CNTNAP4: variants seen among roughly 807,000 people sequenced by gnomAD.
The protein encoded by CNTNAP4 is contactin-associated protein-like 4.
A neutral mutation model predicts 148.4 loss-of-function variants in CNTNAP4; 98 were observed. The observed-to-expected ratio is 0.66, with a 90% CI of 0.56 to 0.78. The LOEUF (loss-of-function observed/expected upper bound fraction) is 0.78. Among genes scored for constraint, CNTNAP4 ranks in the 30% least tolerant of loss-of-function variants. The pLI, the probability that CNTNAP4 is intolerant of heterozygous loss-of-function variation, is 0.00. For missense variants in CNTNAP4, 1,935 were observed against 1,565.6 expected (o/e 1.24, Z -3.98); for synonymous variants, 730 against 565.1 (o/e 1.29, Z -4.14).
intron 3 of CNTNAP4, among the ~76,000 whole-genome samples, chr16:76,372,201 G>C (rs867811684): frequency 1.4e-5 from 2 of 147,242 alleles, no homozygotes; most frequent in Non-Finnish European, 3.0e-5. Context: ...ATGCAGTGGC[G>C]CAATCTCGGT....
rs542332604 is a variant in CNTNAP4 at position 76,411,927 on chromosome 16, T to G, written c.391-15525T>G. ...ATGTTACGTAGGCCAAACATATTAT[T>G]GTAACTTTCATGCCCTTACTGTTGA... is the stretch of plus-strand genomic sequence containing the variant. On this transcript the variant is annotated intron_variant, in intron 3 of 23. Transcript: ENST00000611870. Among the ~76,000 whole-genome samples, 4 of 151,502 alleles carry G rather than the reference T, an allele frequency of 2.6e-5. No individual in the cohort carries two copies. The East Asian group carries it at 7.7e-4, about 29-fold the overall frequency.
At chr16:76,533,396 G>A (rs947275476) in intron 17 of CNTNAP4, among the ~76,000 whole-genome samples, 7 of 152,030 alleles carry the variant, frequency 4.6e-5, no homozygotes, top group Admixed American at 6.6e-5. Context: ...CTAGACAGGA[G>A]GAAAAAGTTC....
intron 21 of CNTNAP4, among the ~76,000 whole-genome samples, chr16:76,543,412 T>A (rs931195900): frequency 2.0e-5 from 3 of 152,342 alleles, no homozygotes; most frequent in East Asian, 1.9e-4. Context: ...TGTCTTGAAG[T>A]CACTTACTGT....
intron 10 of CNTNAP4, among the ~76,000 whole-genome samples, chr16:76,469,038 G>T (rs1301614529): frequency 6.6e-6 from 1 of 152,064 alleles, no homozygotes; most frequent in Non-Finnish European, 1.5e-5. Context: ...TCAACAAAAA[G>T]ACTCTTCTAT....
At chr16:76,403,510 A>G (rs1290946522) in intron 3 of CNTNAP4, among the ~76,000 whole-genome samples, 1 of 152,180 alleles carries the variant, frequency 6.6e-6, no homozygotes, top group African/African-American at 2.4e-5. Context: ...CATCTCACAC[A>G]AGTCAGAATG....
At chr16:76,310,937 A>C (rs1961032704) in intron 1 of CNTNAP4, among the ~76,000 whole-genome samples, 1 of 152,086 alleles carries the variant, frequency 6.6e-6, no homozygotes, top group Admixed American at 6.6e-5. Context: ...CCTTAGGTAA[A>C]TTGTTTAATT....
chr16:76,427,166 A>G (rs540470261), intron 3 of CNTNAP4, among the ~76,000 whole-genome samples: 1 of 152,292 alleles, frequency 6.6e-6, no homozygotes, highest in Non-Finnish European at 1.5e-5. Flanking sequence ...TTTACGTTTA[A>G]TCTACACTTT....
intron 18 of CNTNAP4, among the ~76,000 whole-genome samples, chr16:76,536,616 A>G (rs2084225942): frequency 6.6e-6 from 1 of 152,242 alleles, no homozygotes; most frequent in Admixed American, 6.5e-5. Flanking sequence ...ACCATTAAAT[A>G]TCGATGCATT....
At chr16:76,310,127 GGCCATTT>G (rs1266578956) in intron 1 of CNTNAP4, among the ~76,000 whole-genome samples, 1 of 152,012 alleles carries the variant, frequency 6.6e-6, no homozygotes, top group African/African-American at 2.4e-5. Flanking sequence ...CATGCAGACT[GGCCATTT>G]GCCATTTGTG....
At chr16:76,306,390 T>C (rs963513046) in intron 1 of CNTNAP4, among the ~76,000 whole-genome samples, 2 of 152,142 alleles carry the variant, frequency 1.3e-5, no homozygotes, top group Non-Finnish European at 2.9e-5. Flanking sequence ...CAGTGGCAAA[T>C]ATGCCCTTTC....
intron 12 of CNTNAP4, among the ~76,000 whole-genome samples, chr16:76,486,904 T>G (rs2082049388): frequency 6.6e-6 from 1 of 152,064 alleles, no homozygotes; most frequent in Non-Finnish European, 1.5e-5. Context: ...GGTGGGAAAT[T>G]GAGGTATGAG....
chr16:76,521,775 A>G (rs1385387402), intron 16 of CNTNAP4, among the ~76,000 whole-genome samples: 1 of 151,008 alleles, frequency 6.6e-6, no homozygotes, highest in Non-Finnish European at 1.5e-5. Flanking sequence ...TTTTATCGAT[A>G]GGAAAAATTA....
At position 76,550,782 on chromosome 16, in the gene CNTNAP4, T is replaced by G. The variant is rs550682555; in HGVS notation, c.3443-2501T>G. 4.6e-5 allele frequency among the ~76,000 whole-genome samples: 7 copies of G among 152,292 alleles called. No individual in the cohort carries two copies. The South Asian group carries it at 1.5e-3, about 32-fold the overall frequency. On this transcript the variant is annotated intron_variant, in intron 21 of 23. Transcript: ENST00000611870. ...TGCCAAGGTGGACTAAATGATTTCT[T>G]TGGTTCCATACACATTGATGAACTG...
intron 12 of CNTNAP4, among the ~76,000 whole-genome samples, chr16:76,483,455 G>T (rs1213634816): frequency 1.3e-5 from 2 of 152,086 alleles, no homozygotes; most frequent in African/African-American, 4.8e-5. Context: ...GTGTGTTTCA[G>T]GTTAAAGACA....
At chr16:76,514,388 C>G (rs1187527504) in intron 15 of CNTNAP4, among the ~76,000 whole-genome samples, 1 of 152,204 alleles carries the variant, frequency 6.6e-6, no homozygotes, top group East Asian at 1.9e-4. Context: ...ATTAAATACA[C>G]AAGTCTATTT....
At chr16:76,469,251 G>A (rs1167460679) in intron 10 of CNTNAP4, among the ~76,000 whole-genome samples, 1 of 152,212 alleles carries the variant, frequency 6.6e-6, no homozygotes, top group African/African-American at 2.4e-5. Context: ...AAGATGATAT[G>A]AAAAGAGAGA....
intron 3 of CNTNAP4, among the ~76,000 whole-genome samples, chr16:76,392,104 C>G (rs1224060871): frequency 6.6e-6 from 1 of 152,166 alleles, no homozygotes; most frequent in Non-Finnish European, 1.5e-5. Context: ...AGGGATTCTC[C>G]TGCCTCAGCC....
chr16:76,352,589 C>T (rs935008187), intron 2 of CNTNAP4, among the ~76,000 whole-genome samples: 1 of 152,168 alleles, frequency 6.6e-6, no homozygotes, highest in African/African-American at 2.4e-5. Flanking sequence ...GATGCACCAT[C>T]TACTATGTAG....
At chr16:76,372,912 A>G (rs1409612303) in intron 3 of CNTNAP4, among the ~76,000 whole-genome samples, 1 of 152,196 alleles carries the variant, frequency 6.6e-6, no homozygotes, top group African/African-American at 2.4e-5. Flanking sequence ...TTCCCAGAAG[A>G]TAGAAACTCC....
Sources: allele counts gnomAD v4.1 joint callset (sites outside exome capture counted in the v4.1 genomes callset), GRCh38; gene constraint gnomAD v4.1.1; transcripts MANE v1.5; gene names NCBI Gene and HGNC (gene_info 2026-07-23, HGNC 2026-07-21).